SRRM2: variants seen among roughly 807,000 people sequenced by gnomAD.
SRRM2 encodes the protein serine/arginine repetitive matrix 2.
Under a neutral mutation model 213.8 loss-of-function variants are expected in SRRM2, and 30 were observed. That is an observed-to-expected ratio of 0.14 (90% CI 0.10 to 0.19). The LOEUF is 0.19. SRRM2 is among the 10% of genes least tolerant of loss of function. The pLI, the probability that SRRM2 is intolerant of heterozygous loss-of-function variation, is 1.00. For missense variants in SRRM2, 4,904 were observed against 3,647.0 expected, an observed-to-expected ratio of 1.34 and a Z score of -8.88; for synonymous variants, 2,025 against 1,377.7, an observed-to-expected ratio of 1.47 and a Z score of -10.40.
rs139940544 is a variant in SRRM2 at position 2,767,866 on chromosome 16, G to T, written c.7338G>T (p.Gln2446His). ...SQSLLPPAQD[Q>H]PRSPVPSAFS... ...CTCTTCTCCCTCCAGCACAGGATCAGCCGAGGTCTCCTGTGCCTTCTGCTT... is the reference window on the plus strand; with the variant it reads ...CTCTTCTCCCTCCAGCACAGGATCATCCGAGGTCTCCTGTGCCTTCTGCTT... Residue 2446 changes from glutamine (Q) to histidine (H), a missense_variant, in exon 11 of 15, where the codon CAG becomes CAT. Physicochemically the swap from Gln to His is conservative, Grantham distance 24 (BLOSUM62 0). Transcript: ENST00000301740. 4.3e-6 allele frequency: 7 copies of T among 1,614,020 alleles called. No individual in the cohort carries two copies. In the African/African-American group the frequency reaches 6.7e-5, roughly 15 times the overall value.
Position 2,767,276 on chromosome 16 carries a change from A to T in SRRM2, c.6748A>T (p.Ile2250Phe). 1 of 1,614,072 alleles carries T rather than the reference A, an allele frequency of 6.2e-7. No homozygotes were observed. The highest frequency in any genetic ancestry group is 8.5e-7 in the Non-Finnish European group (1 of 1,180,032). Residue 2250 changes from isoleucine (I) to phenylalanine (F), a missense_variant, in exon 11 of 15, where the codon ATT becomes TTT. By Grantham distance (21) the Ile-to-Phe change is conservative. Coordinates refer to ENST00000301740, the MANE Select transcript of SRRM2 (RefSeq NM_016333.4). ...MNLASARTPAIPTAVNLADSR... is the reference protein window; with the variant it reads ...MNLASARTPAFPTAVNLADSR... Reference sequence around the variant, plus strand: ...CCTAGCCAGCGCCAGGACACCTGCCATTCCAACAGCAGTGAACCTGGCTGA... The same window carrying T: ...CCTAGCCAGCGCCAGGACACCTGCCTTTCCAACAGCAGTGAACCTGGCTGA...
rs372295981 is a variant in SRRM2, at chr16:2,769,813, C to T, written c.8021+529C>T. ...AGGCTCTTCACCAACGGGCCTTGCCCGCCCTGTGTTCTCCTCCTGCCCGCC... is the reference window on the plus strand; with the variant it reads ...AGGCTCTTCACCAACGGGCCTTGCCTGCCCTGTGTTCTCCTCCTGCCCGCC... On this transcript the variant is annotated intron_variant, in intron 12 of 14. Transcript: ENST00000301740. The T allele has an allele frequency of 1.6e-4, 74 of 466,164 alleles. 1 individual carries two copies. Among genetic ancestry groups the T allele is most frequent in the African/African-American group, 1.0e-3 (51 of 50,636 alleles). The allele number at this position is 466,164 out of a possible 1,614,324, so 28.9% of individuals were successfully genotyped here. A position where few individuals can be genotyped will look rare whatever the true frequency, so the allele number is the denominator to read the frequency against.
chr16:2,762,703 C>T lies in SRRM2; in HGVS notation c.2175C>T (p.Gly725=), dbSNP rs749681706. 3.7e-6 allele frequency: 6 copies of T among 1,614,172 alleles called. No individual in the cohort carries two copies. Among genetic ancestry groups the T allele is most frequent in the Non-Finnish European group, 5.1e-6 (6 of 1,180,038 alleles). ...SRTPQRRGRS[G]SSSERKNKSR... ...CACCTCAAAGAAGAGGCAGATCTGG[C>T]TCATCTTCAGAGCGGAAAAACAAAT... The change falls in exon 11 of 15, where the codon GGC becomes GGT. Residue 725 remains glycine, a synonymous_variant. Coordinates refer to ENST00000301740, the MANE Select transcript of SRRM2 (RefSeq NM_016333.4).
intron 12 of SRRM2, 91 bp downstream of exon 12, chr16:2,769,375 C>A: frequency 7.0e-7 from 1 of 1,423,912 alleles, no homozygotes; most frequent in South Asian, 1.4e-5. Context: ...CGCTGGGTGT[C>A]TCACGTGGCC....
intron 1 of SRRM2, among the ~76,000 whole-genome samples, chr16:2,756,098 G>A (rs900682989): frequency 6.6e-6 from 1 of 152,172 alleles, no homozygotes; most frequent in Non-Finnish European, 1.5e-5. Flanking sequence ...CTGTGCAAGG[G>A]CATTGAGAGA....
rs959964321 is a variant in SRRM2, at chr16:2,767,731, C to T, written c.7203C>T (p.Leu2401=). The change falls in exon 11 of 15, where the codon CTC becomes CTT. Residue 2401 remains leucine, a synonymous_variant. Transcript: ENST00000301740. ...TCAGTGGCAGAACCTCACCACCGCT[C>T]CTTGACCGAGCTAGGTCCAGAACAC... ...ERVSGRTSPP[L]LDRARSRTPP... 9 of 1,613,788 alleles carry T rather than the reference C, an allele frequency of 5.6e-6. No homozygotes were observed. Among genetic ancestry groups the T allele is most frequent in the Non-Finnish European group, 7.6e-6 (9 of 1,179,946 alleles).
intron 1 of SRRM2, among the ~76,000 whole-genome samples, chr16:2,753,237 G>C (rs1243946300): frequency 6.6e-6 from 1 of 152,242 alleles, no homozygotes; most frequent in Non-Finnish European, 1.5e-5. Context: ...GCTTGCTCCT[G>C]GACCCTTGCC....
At position 2,766,713 on chromosome 16, in the gene SRRM2, C is replaced by G; in HGVS notation, c.6185C>G (p.Ala2062Gly). The change falls in exon 11 of 15, where the codon GCT (alanine) becomes GGT (glycine). Residue 2062 changes from alanine to glycine, a missense_variant. By Grantham distance (60) the Ala-to-Gly change is moderately conservative. Coordinates refer to ENST00000301740, the MANE Select transcript of SRRM2 (RefSeq NM_016333.4). This position sits in a 1 kb window ranked among gnomAD's most constrained non-coding sequence, Gnocchi z 7.0. ...TCCAGATCCCGTACTCCACGAACAG[C>G]TCGGGGTAAACGGTCCTTAACAAGA... ...RRSRSRTPRT[A>G]RGKRSLTRSP... 6.2e-7 allele frequency: 1 copy of G among 1,614,228 alleles called. No individual in the cohort carries two copies. Among genetic ancestry groups the G allele is most frequent in the South Asian group, 1.1e-5 (1 of 91,086 alleles).
intron 9 of SRRM2, 166 bp downstream of exon 9, chr16:2,759,827 T>A: frequency 1.6e-6 from 1 of 610,878 alleles, no homozygotes; most frequent in Non-Finnish European, 2.8e-6. Flanking sequence ...GACAGACATA[T>A]ACATTTCCCC....
Position 2,767,144 on chromosome 16 carries a change from G to A in SRRM2, c.6616G>A (p.Ala2206Thr), listed in dbSNP as rs1037155527. ...PPSMSAAGLAARMSQVPAPVP... is the reference protein window; with the variant it reads ...PPSMSAAGLATRMSQVPAPVP... The stretch of plus-strand genomic sequence containing the variant: ...GTCCATGTCTGCTGCTGGCCTTGCT[G>A]CAAGAATGTCCCAGGTTCCAGCCCC... Residue 2206 changes from alanine (A) to threonine (T), a missense_variant, in exon 11 of 15, where the codon GCA becomes ACA. Ala to Thr is a moderately conservative substitution (Grantham distance 58). Coordinates refer to ENST00000301740, the MANE Select transcript of SRRM2 (RefSeq NM_016333.4). 3.1e-6 allele frequency: 5 copies of A among 1,614,066 alleles called. No homozygotes were observed. In the African/African-American group the frequency reaches 5.3e-5, roughly 17 times the overall value.
chr16:2,764,511 G>C lies in SRRM2; in HGVS notation c.3983G>C (p.Gly1328Ala). 1.2e-6 allele frequency: 2 copies of C among 1,614,152 alleles called. No homozygotes were observed. The highest frequency in any genetic ancestry group is 1.7e-6 in the Non-Finnish European group (2 of 1,180,020). Residue 1328 changes from glycine (G) to alanine (A), a missense_variant, in exon 11 of 15, where the codon GGA becomes GCA. Transcript: ENST00000301740. ...TCCCCACTCAGGGAGAACAGCTTTG[G>C]ATCACCTTTAGAATTTAGAAACTCA... ...SNSPLRENSF[G>A]SPLEFRNSGP...
rs371454353 is a variant in SRRM2, at chr16:2,763,479, C to T, written c.2951C>T (p.Pro984Leu). 2.4e-5 allele frequency: 39 copies of T among 1,614,050 alleles called. No individual in the cohort carries two copies. Among genetic ancestry groups the T allele is most frequent in the Admixed American group, 3.3e-5 (2 of 60,000 alleles). Residue 984 changes from proline (P) to leucine (L), a missense_variant, in exon 11 of 15, where the codon CCG becomes CTG. Transcript: ENST00000301740. ...SPDTKVKPETPPRQSHSGSIS... is the reference protein window; with the variant it reads ...SPDTKVKPETLPRQSHSGSIS... Reference sequence around the variant, plus strand: ...GATACCAAAGTGAAACCTGAAACACCGCCAAGACAAAGTCACTCAGGGTCT... The same window carrying T: ...GATACCAAAGTGAAACCTGAAACACTGCCAAGACAAAGTCACTCAGGGTCT...
At chr16:2,758,402 G>T (rs1177177264) in intron 4 of SRRM2, 68 bp from the exon 5 acceptor site, 2 of 1,326,500 alleles carry the variant, frequency 1.5e-6, no homozygotes, top group Non-Finnish European at 2.2e-6. Context: ...TTTAGACTCT[G>T]TCTTTTAAAG....
chr16:2,770,974 C>T lies in SRRM2; in HGVS notation c.*107C>T, dbSNP rs918787206. On this transcript the variant is annotated 3_prime_UTR_variant, in exon 15 of 15. Coordinates refer to ENST00000301740, the MANE Select transcript of SRRM2 (RefSeq NM_016333.4). ...GGTCCTTGTCTGCTCTCCTTTGAAC[C>T]TTGGCAGCCCTTGGATGGAGGGCTC... The T allele has an allele frequency of 1.4e-6, 2 of 1,398,208 alleles. No individual in the cohort carries two copies. The highest frequency in any genetic ancestry group is 1.3e-5 in the South Asian group (1 of 79,176). The allele number at this position is 1,398,208 out of a possible 1,614,324, so 86.6% of individuals were successfully genotyped here. A position where few individuals can be genotyped will look rare whatever the true frequency, so the allele number is the denominator to read the frequency against.
At position 2,763,714 on chromosome 16, in the gene SRRM2, A is replaced by G. The variant is rs749401050; in HGVS notation, c.3186A>G (p.Gln1062=). ...CTCTGCAACTGAAAGGACAATCTCA[A>G]ACTTCACCAGACCACAGATCTGATA... ...VSSLQLKGQS[Q]TSPDHRSDTS... is the part of the protein sequence containing the mutation. Residue 1062 remains glutamine (Q), a synonymous_variant, in exon 11 of 15, where the codon CAA becomes CAG. Transcript: ENST00000301740. The G allele has an allele frequency of 2.5e-6, 4 of 1,614,170 alleles. No individual in the cohort carries two copies. In the East Asian group the frequency reaches 8.9e-5, roughly 36 times the overall value.
In SRRM2 at chr16:2,769,141, TTCTTCCTCCTCC is replaced by T. The variant is rs2068647631; in HGVS notation, c.7887_7898del (p.Ser2645_Ser2648del). ...CTTCCTCCTCCTCCTCCTCCTCCTC[TTCTTCCTCCTCC>T]TCTTCCTCTTCTTCTTCTTCCTCCT... is the stretch of plus-strand genomic sequence containing the variant. On this transcript the variant is annotated inframe_deletion, in exon 12 of 15. Transcript: ENST00000301740. The T allele has an allele frequency of 2.5e-6, 4 of 1,608,968 alleles. No individual in the cohort carries two copies. Among genetic ancestry groups the T allele is most frequent in the Admixed American group, 1.7e-5 (1 of 59,968 alleles).
rs1395720051 is a variant in SRRM2, at chr16:2,761,900, A to T, written c.1372A>T (p.Thr458Ser). 3 of 1,613,144 alleles carry T rather than the reference A, an allele frequency of 1.9e-6. No individual in the cohort carries two copies. Among genetic ancestry groups the T allele is most frequent in the African/African-American group, 1.3e-5 (1 of 74,752 alleles). The stretch of plus-strand genomic sequence containing the variant: ...CCACCGAGAGATTTCTTCTTCTCCC[A>T]CATCTAAGAATCGCTCACATGGCCG... ...GSHREISSSP[T>S]SKNRSHGRAK... is the part of the protein sequence containing the mutation. Residue 458 changes from threonine (T) to serine (S), a missense_variant, in exon 11 of 15, where the codon ACA (threonine) becomes TCA (serine). Physicochemically the swap from Thr to Ser is moderately conservative, Grantham distance 58 (BLOSUM62 1). Transcript: ENST00000301740.
chr16:2,763,497 C>T lies in SRRM2; in HGVS notation c.2969C>T (p.Ser990Leu), dbSNP rs778634461. 2.5e-6 allele frequency: 4 copies of T among 1,614,156 alleles called. No homozygotes were observed. Among genetic ancestry groups the T allele is most frequent in the Middle Eastern group, 3.3e-4 (2 of 6,062 alleles). The stretch of plus-strand genomic sequence containing the variant: ...GAAACACCGCCAAGACAAAGTCACT[C>T]AGGGTCTATTTCACCATACCCCAAA... Reference protein sequence around the residue: ...KPETPPRQSHSGSISPYPKVK... With the variant: ...KPETPPRQSHLGSISPYPKVK... The change falls in exon 11 of 15, where the codon TCA becomes TTA. Residue 990 changes from serine (S) to leucine (L), a missense_variant. Physicochemically the swap from Ser to Leu is moderately radical, Grantham distance 145. Transcript: ENST00000301740.
Position 2,765,000 on chromosome 16 carries a change from A to G in SRRM2, c.4472A>G (p.Gln1491Arg), listed in dbSNP as rs1277219377. Residue 1491 changes from glutamine (Q) to arginine (R), a missense_variant, in exon 11 of 15, where the codon CAG becomes CGG. By Grantham distance (43) the Gln-to-Arg change is conservative. Transcript: ENST00000301740. ...DSSPEPKALP[Q>R]TPRPRSRSPS... is the part of the protein sequence containing the mutation. ...TCCCCAGAACCGAAAGCTTTGCCTC[A>G]GACTCCTAGGCCGAGGAGTCGTTCT... is the stretch of plus-strand genomic sequence containing the variant. The G allele has an allele frequency of 1.2e-6, 2 of 1,614,084 alleles. No individual in the cohort carries two copies. Among genetic ancestry groups the G allele is most frequent in the Admixed American group, 1.7e-5 (1 of 60,020 alleles).
Sources: gnomAD v4.1 joint callset for allele counts (sites outside exome capture counted in the v4.1 genomes callset) on GRCh38, gnomAD v4.1.1 for gene constraint, Gnocchi (gnomAD v3.1) non-coding constraint, MANE v1.5 for transcripts, NCBI Gene and HGNC (gene_info 2026-07-23, HGNC 2026-07-21) for gene names.